DNAJC27: variants seen among roughly 807,000 people sequenced by gnomAD.
The protein encoded by DNAJC27 is dnaJ homolog subfamily C member 27.
A neutral mutation model predicts 31.4 loss-of-function variants in DNAJC27; 25 were observed. The ratio of observed to expected loss-of-function variants is 0.80; its 90% CI spans 0.58 to 1.11. The LOEUF is 1.11. Ranked by LOEUF, DNAJC27 falls within the 50% of genes most tolerant of loss-of-function variation. The pLI, the probability that DNAJC27 is intolerant of heterozygous loss-of-function variation, is 0.00. For missense variants in DNAJC27, 356 were observed against 347.3 expected, an observed-to-expected ratio of 1.02 and a Z score of -0.20; for synonymous variants, 106 against 112.7, an observed-to-expected ratio of 0.94 and a Z score of 0.37.
chr2:24,960,769 C>G lies in DNAJC27; in HGVS notation c.240+2636G>C, dbSNP rs565391871. On this transcript the variant is annotated intron_variant, in intron 3 of 6. Transcript: ENST00000264711. ...CTAACTCTCTTCATTTCCATGAAGG[C>G]TGAGAGAGATGAGGAAGCTGCAGAG... Among the ~76,000 whole-genome samples the G allele has an allele frequency of 2.6e-5, 4 of 152,320 alleles. No homozygotes were observed. The East Asian group carries it at 7.7e-4, about 29-fold the overall frequency.
At chr2:24,966,026 AT>A (rs1170914013) in intron 2 of DNAJC27, among the ~76,000 whole-genome samples, 1 of 152,176 alleles carries the variant, frequency 6.6e-6, no homozygotes, top group East Asian at 1.9e-4. Flanking sequence ...ATACAAGGCA[AT>A]TTTTGGTAAG....
intron 3 of DNAJC27, among the ~76,000 whole-genome samples, chr2:24,962,359 G>A (rs1217900687): frequency 6.6e-6 from 1 of 151,988 alleles, no homozygotes; most frequent in Non-Finnish European, 1.5e-5. Flanking sequence ...CTGTTCAAGC[G>A]ATTCTCCTAC....
intron 1 of DNAJC27, chr2:24,971,589 C>T: frequency 2.2e-6 from 1 of 462,460 alleles, no homozygotes; most frequent in Non-Finnish European, 3.9e-6. Flanking sequence ...TTAGAGGCCA[C>T]CCCAGACACC....
intron 5 of DNAJC27, 40 bp from the exon 6 acceptor site, chr2:24,951,594 G>T (rs1286424350): frequency 1.0e-5 from 16 of 1,553,454 alleles, no homozygotes; most frequent in Non-Finnish European, 1.4e-5. Context: ...AAATGATTTT[G>T]TGAAAATAGG....
At chr2:24,956,223 T>C (rs1665901293) in intron 5 of DNAJC27, among the ~76,000 whole-genome samples, 1 of 152,246 alleles carries the variant, frequency 6.6e-6, no homozygotes, top group African/African-American at 2.4e-5. Context: ...AACTACTTTA[T>C]TTGAAATGCT....
In DNAJC27 at chr2:24,957,046, G is replaced by C. The variant is rs748261724; in HGVS notation, c.525C>G (p.Phe175Leu). 6.2e-7 allele frequency: 1 copy of C among 1,606,216 alleles called. No homozygotes were observed. Among genetic ancestry groups the C allele is most frequent in the Non-Finnish European group, 8.5e-7 (1 of 1,177,430 alleles). The change falls in exon 5 of 7, where the codon TTC becomes TTG. Residue 175 changes from phenylalanine to leucine, a missense_variant. Physicochemically the swap from Phe to Leu is conservative, Grantham distance 22 (BLOSUM62 0). Transcript: ENST00000264711. Reference protein sequence around the residue: ...AQTGEGINEMFQTFYISIVDL... With the variant: ...AQTGEGINEMLQTFYISIVDL... Reference sequence around the variant, plus strand: ...AAACAACAAAATGCTAGCTTACCTGGAACATCTCATTAATGCCTTCTCCAG... The same window carrying C: ...AAACAACAAAATGCTAGCTTACCTGCAACATCTCATTAATGCCTTCTCCAG...
intron 2 of DNAJC27, among the ~76,000 whole-genome samples, chr2:24,964,763 G>A (rs1666137817): frequency 6.6e-6 from 1 of 152,054 alleles, no homozygotes; most frequent in Non-Finnish European, 1.5e-5. Context: ...ATGGTCCTTT[G>A]GCATAATATG....
chr2:24,952,496 A>G (rs1436794499), intron 5 of DNAJC27, among the ~76,000 whole-genome samples: 1 of 152,118 alleles, frequency 6.6e-6, no homozygotes, highest in Non-Finnish European at 1.5e-5. Flanking sequence ...CCAACTCTCT[A>G]TTCTTGGACA....
At chr2:24,967,529 C>T (rs759260985) in intron 1 of DNAJC27, among the ~76,000 whole-genome samples, 1 of 151,956 alleles carries the variant, frequency 6.6e-6, no homozygotes, top group Non-Finnish European at 1.5e-5. Context: ...GGCGAAACCC[C>T]GTCTCTACAA....
At chr2:24,959,211 T>G (rs1665982590) in intron 3 of DNAJC27, among the ~76,000 whole-genome samples, 1 of 152,140 alleles carries the variant, frequency 6.6e-6, no homozygotes, top group African/African-American at 2.4e-5. Context: ...CTCCCATACA[T>G]CACATTCCCT....
intron 6 of DNAJC27, among the ~76,000 whole-genome samples, chr2:24,950,840 T>C (rs1435776025): frequency 6.7e-6 from 1 of 149,654 alleles, no homozygotes; most frequent in East Asian, 1.9e-4. Flanking sequence ...AGAGTGAGAC[T>C]CTGTCTCAAA....
intron 6 of DNAJC27, among the ~76,000 whole-genome samples, chr2:24,949,998 C>A: frequency 6.8e-6 from 1 of 148,014 alleles, no homozygotes; most frequent in Admixed American, 6.7e-5. Context: ...ACAACAGATC[C>A]TTAATAGTCA....
At chr2:24,970,898 T>G (rs1283541409) in intron 1 of DNAJC27, among the ~76,000 whole-genome samples, 1 of 152,210 alleles carries the variant, frequency 6.6e-6, no homozygotes, top group East Asian at 1.9e-4. Flanking sequence ...AAACATTTAC[T>G]GAGCATCTCC....
chr2:24,956,957 A>G, intron 5 of DNAJC27, 86 bp downstream of exon 5: 1 of 1,479,358 alleles, frequency 6.8e-7, no homozygotes, highest in East Asian at 2.4e-5. Context: ...AGAAATTCCT[A>G]TTACTTTTTT....
At chr2:24,968,535 C>T (rs1053280910) in intron 1 of DNAJC27, among the ~76,000 whole-genome samples, 1 of 151,114 alleles carries the variant, frequency 6.6e-6, no homozygotes, top group Non-Finnish European at 1.5e-5. Flanking sequence ...TTTGTAGAGA[C>T]GGGGTTTCAC....
intron 3 of DNAJC27, 23 bp downstream of exon 3, chr2:24,963,382 T>C: frequency 6.2e-7 from 1 of 1,600,292 alleles, no homozygotes; most frequent in Non-Finnish European, 8.6e-7. Flanking sequence ...TGGATATAGG[T>C]TTTGTCAAAA....
In DNAJC27 at chr2:24,951,406, G is replaced by C. The variant is rs1291071100; in HGVS notation, c.677C>G (p.Pro226Arg). Residue 226 changes from proline to arginine, a missense_variant, in exon 6 of 7, where the codon CCT (proline) becomes CGT (arginine). By Grantham distance (103) the Pro-to-Arg change is moderately radical. Coordinates refer to ENST00000264711, the MANE Select transcript of DNAJC27 (RefSeq NM_016544.3). ...KDSWDMLGVK[P>R]GASRDEVNKA... ...CCAGAGCGCTTACCTTGAGGCCCCA[G>C]GTTTGACTCCCAGCATGTCCCAACT... 3.1e-6 allele frequency: 5 copies of C among 1,612,008 alleles called. No homozygotes were observed. Among genetic ancestry groups the C allele is most frequent in the Non-Finnish European group, 8.5e-7 (1 of 1,179,014 alleles).
intron 6 of DNAJC27, among the ~76,000 whole-genome samples, chr2:24,949,512 A>G (rs954992234): frequency 2.0e-5 from 3 of 152,278 alleles, no homozygotes; most frequent in Non-Finnish European, 4.4e-5. Flanking sequence ...GTTCAAGAAC[A>G]GTAAACACAG....
At chr2:24,966,666 T>A (rs1666190216) in intron 2 of DNAJC27, among the ~76,000 whole-genome samples, 1 of 152,022 alleles carries the variant, frequency 6.6e-6, no homozygotes, top group South Asian at 2.1e-4. Context: ...ACTGTGTTGG[T>A]CAGGCTGGTC....
Sources: allele counts gnomAD v4.1 joint callset (sites outside exome capture counted in the v4.1 genomes callset), GRCh38; gene constraint gnomAD v4.1.1; transcripts MANE v1.5; gene names NCBI Gene and HGNC (gene_info 2026-07-23, HGNC 2026-07-21).